IMMP2L: variants seen among roughly 807,000 people sequenced by gnomAD.
The protein encoded by IMMP2L is mitochondrial inner membrane protease subunit 2.
In IMMP2L, 18 loss-of-function variants were observed where a neutral mutation model predicts 19.3. The ratio of observed to expected loss-of-function variants is 0.93; its 90% CI spans 0.64 to 1.38. IMMP2L has a LOEUF of 1.38. IMMP2L is among the 40% of genes most tolerant of loss of function. The pLI is 0.00. For missense variants in IMMP2L, 233 were observed against 218.2 expected (o/e 1.07, Z -0.43); for synonymous variants, 76 against 73.0 (o/e 1.04, Z -0.21).
intron 3 of IMMP2L, among the ~76,000 whole-genome samples, chr7:111,276,691 G>A (rs1365042751): frequency 6.8e-6 from 1 of 148,074 alleles, no homozygotes; most frequent in Non-Finnish European, 1.5e-5. Flanking sequence ...AAAGCTAGCT[G>A]CATCACACTA....
chr7:110,838,030 C>T (rs1036739064), intron 5 of IMMP2L, among the ~76,000 whole-genome samples: 30 of 152,248 alleles, frequency 2.0e-4, no homozygotes, highest in African/African-American at 6.5e-4. Flanking sequence ...ATAACTAAAT[C>T]TCACTGTTGT....
chr7:111,268,487 TAAAAA>T (rs927826185), intron 3 of IMMP2L, among the ~76,000 whole-genome samples: 1 of 62,398 alleles, frequency 1.6e-5, no homozygotes, highest in Non-Finnish European at 3.1e-5. Flanking sequence ...GTTTATCTAA[TAAAAA>T]AAAAAAAAAA....
intron 3 of IMMP2L, among the ~76,000 whole-genome samples, chr7:111,312,721 C>T (rs768130330): frequency 1.3e-5 from 2 of 151,934 alleles, no homozygotes; most frequent in Non-Finnish European, 2.9e-5. Context: ...CTGAGCTGAC[C>T]CTGCATGGAA....
chr7:110,832,032 G>A (rs776925891), intron 5 of IMMP2L, among the ~76,000 whole-genome samples: 1 of 152,190 alleles, frequency 6.6e-6, no homozygotes, highest in Non-Finnish European at 1.5e-5. Flanking sequence ...GGGAGGTTGA[G>A]GTGTGCGGAT....
intron 5 of IMMP2L, among the ~76,000 whole-genome samples, chr7:110,818,851 A>G (rs1187987716): frequency 1.3e-5 from 2 of 151,048 alleles, no homozygotes; most frequent in Admixed American, 1.3e-4. Context: ...TCAGCAAACT[A>G]TCGCAAGGAC....
At chr7:110,909,736 C>A (rs914221918) in intron 4 of IMMP2L, among the ~76,000 whole-genome samples, 8 of 152,140 alleles carry the variant, frequency 5.3e-5, no homozygotes, top group Non-Finnish European at 1.0e-4. Flanking sequence ...CTCCATTCAT[C>A]TAGCCGTTTC....
At chr7:110,926,372 G>A (rs1236821778) in intron 4 of IMMP2L, among the ~76,000 whole-genome samples, 1 of 151,956 alleles carries the variant, frequency 6.6e-6, no homozygotes, top group African/African-American at 2.4e-5. Context: ...ATTTAACCAA[G>A]AGAAATGGTT....
At chr7:110,934,924 C>T (rs1815911148) in intron 4 of IMMP2L, among the ~76,000 whole-genome samples, 1 of 152,170 alleles carries the variant, frequency 6.6e-6, no homozygotes, top group Admixed American at 6.5e-5. Context: ...AAATATAGCA[C>T]ACTGATAAGT....
At chr7:111,258,845 C>G (rs767703842) in intron 3 of IMMP2L, among the ~76,000 whole-genome samples, 1 of 152,082 alleles carries the variant, frequency 6.6e-6, no homozygotes, top group Non-Finnish European at 1.5e-5. Flanking sequence ...TAAAACTACA[C>G]TTTTCAGTAC....
At chr7:111,163,719 T>C (rs1431346737) in intron 3 of IMMP2L, among the ~76,000 whole-genome samples, 1 of 152,064 alleles carries the variant, frequency 6.6e-6, no homozygotes, top group African/African-American at 2.4e-5. Flanking sequence ...CCAGCTAGAC[T>C]TGAGATGCAG....
intron 3 of IMMP2L, among the ~76,000 whole-genome samples, chr7:111,210,050 G>C (rs980820003): frequency 7.9e-5 from 12 of 152,114 alleles, no homozygotes; most frequent in Non-Finnish European, 1.6e-4. Flanking sequence ...TCTCCTTTTA[G>C]CTGAGCCTTT....
intron 2 of IMMP2L, among the ~76,000 whole-genome samples, chr7:111,509,385 G>A (rs939209165): frequency 5.3e-5 from 8 of 152,104 alleles, no homozygotes; most frequent in African/African-American, 1.9e-4. Context: ...TGCACTTATT[G>A]CTTGAAGTGC....
At chr7:111,503,347 A>G (rs1311540974) in intron 2 of IMMP2L, among the ~76,000 whole-genome samples, 21 of 151,916 alleles carry the variant, frequency 1.4e-4, no homozygotes, top group African/African-American at 3.9e-4. Flanking sequence ...CAACCAAAAA[A>G]AGTCCAGGAC....
At position 110,897,125 on chromosome 7, in the gene IMMP2L, A is replaced by C. The variant is rs1811403202; in HGVS notation, c.306-10430T>G. Among the ~76,000 whole-genome samples the C allele has an allele frequency of 1.3e-5, 2 of 152,144 alleles. 1 individual carries two copies. The highest frequency in any genetic ancestry group is 4.8e-5 in the African/African-American group (2 of 41,426). On this transcript the variant is annotated intron_variant, in intron 4 of 5. Transcript: ENST00000405709. ...AAGTAGGATTGGGGAAAGCCTTTTA[A>C]AGTAAGATTAAAAAGCAAAAGGTAT... is the stretch of plus-strand genomic sequence containing the variant.
At chr7:111,450,570 A>G (rs1201301054) in intron 3 of IMMP2L, among the ~76,000 whole-genome samples, 11 of 149,570 alleles carry the variant, frequency 7.4e-5, no homozygotes, top group African/African-American at 2.7e-4. Flanking sequence ...AAGATGGATT[A>G]AAGATTTAAA....
In IMMP2L at chr7:111,203,530, A is replaced by G. The variant is rs548068611; in HGVS notation, c.240-239965T>C. ...AATAAAAAAGAAATAATGTTTGGGA[A>G]AGAGTAGCCTAGGGTAATATTACAT... On this transcript the variant is annotated intron_variant, in intron 3 of 5. Coordinates refer to ENST00000405709, the MANE Select transcript of IMMP2L (RefSeq NM_032549.4). 4.6e-5 allele frequency among the ~76,000 whole-genome samples: 7 copies of G among 151,930 alleles called. No homozygotes were observed. The South Asian group carries it at 1.5e-3, about 32-fold the overall frequency.
At chr7:111,362,251 A>C (rs1331231101) in intron 3 of IMMP2L, among the ~76,000 whole-genome samples, 2 of 152,046 alleles carry the variant, frequency 1.3e-5, no homozygotes, top group East Asian at 3.8e-4. Context: ...TTTATTTCTA[A>C]AAGTTTTTAA....
At chr7:111,091,164 T>TAAC (rs1405204034) in intron 3 of IMMP2L, 2 of 152,124 alleles carry the variant, frequency 1.3e-5, no homozygotes, top group Non-Finnish European at 2.9e-5. Context: ...GATGCACCAC[T>TAAC]AACCACCATG....
rs1374929800 is a variant in IMMP2L at position 110,757,853 on chromosome 7, G to A, written c.409-94132C>T. Among the ~76,000 whole-genome samples the A allele has an allele frequency of 6.6e-6, 1 of 152,122 alleles. No individual in the cohort carries two copies. ...CACTGGAGTAGACTCCTGAAAGTGG[G>A]GAGGGGAAGCCATGCAGCTGTTTGG... On this transcript the variant is annotated intron_variant, in intron 5 of 5. Coordinates refer to ENST00000405709, the MANE Select transcript of IMMP2L (RefSeq NM_032549.4). The surrounding 1 kb of genome is among the most constrained non-coding windows in gnomAD (Gnocchi z 4.2).
Sources: gnomAD v4.1 joint callset for allele counts (sites outside exome capture counted in the v4.1 genomes callset) on GRCh38, gnomAD v4.1.1 for gene constraint, Gnocchi (gnomAD v3.1) non-coding constraint, MANE v1.5 for transcripts, NCBI Gene and HGNC (gene_info 2026-07-23, HGNC 2026-07-21) for gene names.